Variants in SLC7A2 observed in about 807,000 individuals in gnomAD.
SLC7A2 encodes cationic amino acid transporter 2.
A neutral mutation model predicts 58.9 loss-of-function variants in SLC7A2; 48 were observed. The observed-to-expected ratio is 0.82, with a 90% CI of 0.65 to 1.04. The LOEUF (loss-of-function observed/expected upper bound fraction) is 1.04, where lower values mean the gene tolerates loss of function less well. Among genes scored for constraint, SLC7A2 ranks in the 50% least tolerant of loss-of-function variants. The pLI is 0.00. For synonymous variants in SLC7A2, 363 were observed against 314.5 expected, an observed-to-expected ratio of 1.15 and a Z score of -1.63; for missense variants, 1,029 against 818.8, an observed-to-expected ratio of 1.26 and a Z score of -3.13.
At chr8:17,525,765 A>G (rs796655023) in intron 2 of SLC7A2, among the ~76,000 whole-genome samples, 3 of 152,254 alleles carry the variant, frequency 2.0e-5, no homozygotes, top group Non-Finnish European at 2.9e-5. Flanking sequence ...CTTGCAAACC[A>G]GCACATTCCT....
chr8:17,520,272 T>A (rs1436125223), intron 2 of SLC7A2, among the ~76,000 whole-genome samples: 1 of 152,050 alleles, frequency 6.6e-6, no homozygotes, highest in African/African-American at 2.4e-5. Flanking sequence ...AGCATAGGGG[T>A]TCATGAGAAT....
intron 2 of SLC7A2, among the ~76,000 whole-genome samples, chr8:17,503,197 C>T (rs1182768627): frequency 3.3e-5 from 5 of 151,890 alleles, no homozygotes; most frequent in African/African-American, 1.2e-4. Flanking sequence ...ACTACAGGCG[C>T]CCGCCACCAC....
chr8:17,503,085 C>G (rs1166468022), intron 2 of SLC7A2, among the ~76,000 whole-genome samples: 2 of 152,046 alleles, frequency 1.3e-5, no homozygotes, highest in African/African-American at 4.8e-5. Flanking sequence ...GAGTCTCACT[C>G]TGTCACCCAG....
intron 5 of SLC7A2, among the ~76,000 whole-genome samples, chr8:17,549,109 T>G (rs1167856578): frequency 6.6e-6 from 1 of 152,152 alleles, no homozygotes; most frequent in Non-Finnish European, 1.5e-5. Flanking sequence ...CCATCAGCTC[T>G]TGTGAGACCC....
chr8:17,550,451 G>C lies in SLC7A2; in HGVS notation c.832+17G>C. The stretch of plus-strand genomic sequence containing the variant: ...CAACAACTGGTAAGAGCAGTGTCTT[G>C]GCTCAGTGTAGAAGGAGTGTTCCTT... On this transcript the variant is annotated intron_variant, in intron 6 of 12. Coordinates refer to ENST00000494857, the MANE Select transcript of SLC7A2 (RefSeq NM_001370338.1). 3 of 1,610,360 alleles carry C rather than the reference G, an allele frequency of 1.9e-6. No homozygotes were observed. In the African/African-American group the frequency reaches 4.0e-5, roughly 21 times the overall value.
chr8:17,542,648 CT>C (rs1801962245), intron 2 of SLC7A2, among the ~76,000 whole-genome samples: 1 of 114,478 alleles, frequency 8.7e-6, no homozygotes, highest in African/African-American at 2.7e-5. Context: ...GAGACCCTGT[CT>C]CAAAAAAAAA....
chr8:17,523,543 G>C (rs984381885), intron 2 of SLC7A2, among the ~76,000 whole-genome samples: 1 of 152,138 alleles, frequency 6.6e-6, no homozygotes, highest in Non-Finnish European at 1.5e-5. Flanking sequence ...ATGGTGATGG[G>C]ATTATTGGCT....
chr8:17,570,531 T>G lies in SLC7A2; in HGVS notation c.*5385T>G, dbSNP rs1803456713. ...CCACTGTAAAATATGCTTTCTGATGTGGTGTATTTTTAAAATAAATTTTAA... is the reference window on the plus strand; with the variant it reads ...CCACTGTAAAATATGCTTTCTGATGGGGTGTATTTTTAAAATAAATTTTAA... On this transcript the variant is annotated 3_prime_UTR_variant, in exon 13 of 13. Transcript: ENST00000494857. 1 of 150,426 alleles carries G rather than the reference T, an allele frequency of 6.6e-6. No homozygotes were observed. Among genetic ancestry groups the G allele is most frequent in the Non-Finnish European group, 1.5e-5 (1 of 67,952 alleles). The allele number at this position is 150,426 out of a possible 1,614,324, so 9.3% of individuals were successfully genotyped here. A position where few individuals can be genotyped will look rare whatever the true frequency, so the allele number is the denominator to read the frequency against.
In SLC7A2 at chr8:17,565,204, C is replaced by A; in HGVS notation, c.*58C>A. ...GCATACATATCCTACACTGAGTAAA[C>A]CGTAACGGGATGTCATCAGCATGCT... On this transcript the variant is annotated 3_prime_UTR_variant, in exon 13 of 13. Coordinates refer to ENST00000494857, the MANE Select transcript of SLC7A2 (RefSeq NM_001370338.1). The A allele has an allele frequency of 7.4e-7, 1 of 1,352,552 alleles. No homozygotes were observed. The highest frequency in any genetic ancestry group is 1.0e-6 in the Non-Finnish European group (1 of 977,592). The allele number at this position is 1,352,552 out of a possible 1,614,324, so 83.8% of individuals were successfully genotyped here. A position where few individuals can be genotyped will look rare whatever the true frequency, so the allele number is the denominator to read the frequency against.
At position 17,563,593 on chromosome 8, in the gene SLC7A2, TC is replaced by T; in HGVS notation, c.1672-5del. 1 of 1,531,974 alleles carries T rather than the reference TC, an allele frequency of 6.5e-7. No homozygotes were observed. Among genetic ancestry groups the T allele is most frequent in the South Asian group, 1.1e-5 (1 of 87,580 alleles). 94.9% of individuals were successfully genotyped at this position (1,531,974 alleles called of 1,614,324 possible). ...ATGAGTATGTTCAAAAGGATTGTTT[TC>T]CCCCTCAGGTTCCATTCTTACCATT... On this transcript the variant is annotated splice_polypyrimidine_tract_variant and intron_variant, in intron 11 of 12. Transcript: ENST00000494857.
chr8:17,497,508 C>T (rs1307079725), intron 1 of SLC7A2, among the ~76,000 whole-genome samples: 1 of 152,204 alleles, frequency 6.6e-6, no homozygotes, highest in Non-Finnish European at 1.5e-5. Context: ...CTCGCCTCGT[C>T]CGGTCCCTGT....
intron 2 of SLC7A2, among the ~76,000 whole-genome samples, chr8:17,509,916 G>A (rs1440256006): frequency 2.0e-5 from 3 of 151,942 alleles, no homozygotes; most frequent in East Asian, 2.0e-4. Context: ...ATTGGTATGT[G>A]CATTATGTAA....
At chr8:17,515,086 A>C (rs1800749505) in intron 2 of SLC7A2, among the ~76,000 whole-genome samples, 1 of 152,184 alleles carries the variant, frequency 6.6e-6, no homozygotes, top group African/African-American at 2.4e-5. Context: ...TATAGTTGCT[A>C]ACACTGAAAA....
intron 2 of SLC7A2, among the ~76,000 whole-genome samples, chr8:17,536,071 C>T (rs1801651694): frequency 6.6e-6 from 1 of 150,522 alleles, no homozygotes; most frequent in African/African-American, 2.5e-5. Flanking sequence ...CATGAATTAT[C>T]GCTCTGCCGC....
chr8:17,523,079 C>G (rs1801080644), intron 2 of SLC7A2, among the ~76,000 whole-genome samples: 1 of 151,846 alleles, frequency 6.6e-6, no homozygotes, highest in Non-Finnish European at 1.5e-5. Flanking sequence ...AGAGGTGCAG[C>G]AAACCACTGT....
Position 17,543,735 on chromosome 8 carries a change from C to CTG in SLC7A2, c.376+21_376+22insGT. The CTG allele has an allele frequency of 6.6e-7, 1 of 1,511,622 alleles. No homozygotes were observed. Among genetic ancestry groups the CTG allele is most frequent in the South Asian group, 1.4e-5 (1 of 73,632 alleles). 93.6% of individuals were successfully genotyped at this position (1,511,622 alleles called of 1,614,324 possible). A position where few individuals can be genotyped will look rare whatever the true frequency, so the allele number is the denominator to read the frequency against. On this transcript the variant is annotated intron_variant, in intron 3 of 12. Coordinates refer to ENST00000494857, the MANE Select transcript of SLC7A2 (RefSeq NM_001370338.1). ...TGATAGGTATGTTTCAAAAAGAAAT[C>CTG]TAACTTGTGTGGAATGGAAGAAATC...
At chr8:17,553,334 A>T (rs2150760064) in intron 7 of SLC7A2, among the ~76,000 whole-genome samples, 1 of 152,282 alleles carries the variant, frequency 6.6e-6, no homozygotes, top group East Asian at 1.9e-4. Context: ...TACAGGCATG[A>T]GCCACCACAC....
At chr8:17,496,854 G>A (rs1799970563), upstream of SLC7A2, among the ~76,000 whole-genome samples, 1 of 151,884 alleles carries the variant, frequency 6.6e-6, no homozygotes, top group African/African-American at 2.4e-5. Context: ...CCCGGCCCGC[G>A]CCCACCGGCC....
At chr8:17,535,238 AC>A (rs1801614565) in intron 2 of SLC7A2, among the ~76,000 whole-genome samples, 5 of 151,730 alleles carry the variant, frequency 3.3e-5, no homozygotes, top group Admixed American at 3.3e-4. Context: ...ACTACCCTCT[AC>A]TTGTTTACTC....
Sources: allele counts gnomAD v4.1 joint callset (sites outside exome capture counted in the v4.1 genomes callset), GRCh38; gene constraint gnomAD v4.1.1; transcripts MANE v1.5; gene names NCBI Gene and HGNC (gene_info 2026-07-23, HGNC 2026-07-21).